Variants in LYSMD4 observed in about 807,000 individuals in gnomAD.
LYSMD4 encodes the protein lysM and putative peptidoglycan-binding domain-containing protein 4.
A neutral mutation model predicts 6.1 loss-of-function variants in LYSMD4; 9 were observed. The ratio of observed to expected loss-of-function variants is 1.47; its 90% CI spans 0.88 to 2.56. The LOEUF (loss-of-function observed/expected upper bound fraction) is 2.56. Ranked by LOEUF, LYSMD4 falls within the 30% of genes most tolerant of loss-of-function variation. LYSMD4 has a pLI of 0.00. For missense variants in LYSMD4, 384 were observed against 373.5 expected (o/e 1.03, Z -0.23); for synonymous variants, 143 against 148.5 (o/e 0.96, Z 0.27).
At position 99,731,940 on chromosome 15, in the gene LYSMD4, A is replaced by G. The variant is rs930269024; in HGVS notation, c.60T>C (p.Thr20=). 2 of 1,611,698 alleles carry G rather than the reference A, an allele frequency of 1.2e-6. No homozygotes were observed. The highest frequency in any genetic ancestry group is 1.7e-6 in the Non-Finnish European group (2 of 1,179,186). The change falls in exon 2 of 3, where the codon ACT becomes ACC. Residue 20 remains threonine, a synonymous_variant. Transcript: ENST00000684762. ...TAAACATGTATACGTGGCTGGTCGG[A>G]GTCCCACACACAACAGCTGGGCCTT... ...TFQGPAVVCG[T]PTSHVYMFKN...
At chr15:99,726,145 G>GGTT (rs2059278289), downstream of LYSMD4, among the ~76,000 whole-genome samples, 1 of 31,412 alleles carries the variant, frequency 3.2e-5, no homozygotes, top group Admixed American at 5.2e-4. Context: ...TGTCTCAAGT[G>GGTT]GTTTTTTTTT....
At chr15:99,729,813 C>T in intron 2 of LYSMD4, 82 bp from the exon 3 acceptor site, 2 of 1,466,400 alleles carry the variant, frequency 1.4e-6, no homozygotes, top group Non-Finnish European at 1.8e-6. Flanking sequence ...CTTAATCTTT[C>T]TGGGTGATGA....
chr15:99,723,610 GACCA>G (rs370099311), downstream of LYSMD4, among the ~76,000 whole-genome samples: 3 of 152,314 alleles, frequency 2.0e-5, no homozygotes, highest in African/African-American at 7.2e-5. Context: ...TCTGCCTCCT[GACCA>G]ACACTGGTGC....
intron 1 of LYSMD4, among the ~76,000 whole-genome samples, chr15:99,732,289 C>T (rs1480103518): frequency 6.6e-6 from 1 of 152,192 alleles, no homozygotes; most frequent in Middle Eastern, 3.2e-3. Flanking sequence ...AAACCCACAT[C>T]TGTAAAGAAA....
At chr15:99,725,795 C>G (rs2059274662), downstream of LYSMD4, among the ~76,000 whole-genome samples, 1 of 152,142 alleles carries the variant, frequency 6.6e-6, no homozygotes, top group Admixed American at 6.5e-5. Context: ...TGGATCATGC[C>G]ACAGGTGCCC....
At position 99,729,207 on chromosome 15, in the gene LYSMD4, C is replaced by T. The variant is rs1337769543; in HGVS notation, c.807G>A (p.Gly269=). The T allele has an allele frequency of 6.2e-7, 1 of 1,614,204 alleles. No homozygotes were observed. The highest frequency in any genetic ancestry group is 1.1e-5 in the South Asian group (1 of 91,088). ...CTGCAACTGCTAGTCTGGGGGCTTG[C>T]CCTGGAACTGTACCCATTGCCATCG... ...NGSMAMGTVP[G]QAPRLAVAVP... The change falls in exon 3 of 3, where the codon GGG becomes GGA. Residue 269 remains glycine (G), a synonymous_variant. Transcript: ENST00000684762.
rs546519080 is a variant in LYSMD4 at position 99,728,437 on chromosome 15, T to C, written c.*686A>G. ...GAACTGGGCGCAGCCTGTGTGTGCT[T>C]GGCCTGGGAGATGCCTGTGTGTCAC... On this transcript the variant is annotated 3_prime_UTR_variant, in exon 3 of 3. Coordinates refer to ENST00000684762, the MANE Select transcript of LYSMD4 (RefSeq NM_001284417.2). 1 of 153,484 alleles carries C rather than the reference T, an allele frequency of 6.5e-6. No homozygotes were observed. Among genetic ancestry groups the C allele is most frequent in the South Asian group, 2.1e-4 (1 of 4,868 alleles). 9.5% of individuals were successfully genotyped at this position (153,484 alleles called of 1,614,324 possible). A position where few individuals can be genotyped will look rare whatever the true frequency, so the allele number is the denominator to read the frequency against.
Position 99,729,006 on chromosome 15 carries a change from A to G in LYSMD4, c.*117T>C. Reference sequence around the variant, plus strand: ...ATTGGGAATACTGCAGTGACTTCTGAAAAGTGTCCATCCTTCCCCGGAAGC... The same window carrying G: ...ATTGGGAATACTGCAGTGACTTCTGGAAAGTGTCCATCCTTCCCCGGAAGC... On this transcript the variant is annotated 3_prime_UTR_variant, in exon 3 of 3. Transcript: ENST00000684762. The G allele has an allele frequency of 2.2e-6, 3 of 1,394,820 alleles. No individual in the cohort carries two copies. Among genetic ancestry groups the G allele is most frequent in the South Asian group, 1.3e-5 (1 of 76,348 alleles). 86.4% of individuals were successfully genotyped at this position (1,394,820 alleles called of 1,614,324 possible).
upstream of LYSMD4, among the ~76,000 whole-genome samples, chr15:99,719,645 C>G (rs887331959): frequency 2.0e-5 from 3 of 152,148 alleles, no homozygotes; most frequent in African/African-American, 4.8e-5. Context: ...TTAGGCTGTT[C>G]CCAATATTCT....
At position 99,729,521 on chromosome 15, in the gene LYSMD4, G is replaced by A. The variant is rs1467966895; in HGVS notation, c.493C>T (p.Gln165Ter). 44 of 1,613,986 alleles carry A rather than the reference G, an allele frequency of 2.7e-5. No homozygotes were observed. Among genetic ancestry groups the A allele is most frequent in the Non-Finnish European group, 3.6e-5 (43 of 1,180,032 alleles). Reference protein sequence around the residue: ...AGAGTGAQAGQLMGFFKGIDQ... With the variant: ...AGAGTGAQAG Reference sequence around the variant, plus strand: ...ATCCCCTTAAAGAAGCCCATCAGTTGGCCGGCCTGGGCACCGGTGCCCGCG... The same window carrying A: ...ATCCCCTTAAAGAAGCCCATCAGTTAGCCGGCCTGGGCACCGGTGCCCGCG... Residue 165 changes from glutamine to a stop codon, truncating the protein, a stop_gained, in exon 3 of 3, where the codon CAA becomes TAA. Transcript: ENST00000684762. LOFTEE classifies it low-confidence loss of function (END_TRUNC).
At position 99,731,913 on chromosome 15, in the gene LYSMD4, C is replaced by A. The variant is rs149028206; in HGVS notation, c.87G>T (p.Lys29Asn). The A allele has an allele frequency of 4.2e-5, 67 of 1,613,372 alleles. 1 individual carries two copies. In the African/African-American group the frequency reaches 8.7e-4, roughly 21 times the overall value. Reference sequence around the variant, plus strand: ...AGTCCCCCGAGTCCCCACTGCCATTCTTAAACATGTATACGTGGCTGGTCG... The same window carrying A: ...AGTCCCCCGAGTCCCCACTGCCATTATTAAACATGTATACGTGGCTGGTCG... ...GTPTSHVYMF[K>N]NGSGDSGDSS... Residue 29 changes from lysine to asparagine, a missense_variant, in exon 2 of 3, where the codon AAG (lysine) becomes AAT (asparagine). Transcript: ENST00000684762.
rs976729323 is a variant in LYSMD4 at position 99,731,878 on chromosome 15, T to A, written c.122A>T (p.Glu41Val). ...GSGDSGDSSE[E>V]ESHRVVLRPR... ...CCGCAAAACCACACGGTGAGACTCT[T>A]CTTCAGAAGAGTCCCCCGAGTCCCC... The change falls in exon 2 of 3, where the codon GAA becomes GTA. Residue 41 changes from glutamate (E) to valine (V), a missense_variant. Coordinates refer to ENST00000684762, the MANE Select transcript of LYSMD4 (RefSeq NM_001284417.2). 4 of 1,613,640 alleles carry A rather than the reference T, an allele frequency of 2.5e-6. No individual in the cohort carries two copies. Among genetic ancestry groups the A allele is most frequent in the Non-Finnish European group, 3.4e-6 (4 of 1,180,032 alleles).
chr15:99,718,333 C>G (rs1262086146), upstream of LYSMD4, among the ~76,000 whole-genome samples: 1 of 152,182 alleles, frequency 6.6e-6, no homozygotes, highest in Non-Finnish European at 1.5e-5. Context: ...GCGATACTGA[C>G]TTTGATCACT....
chr15:99,724,306 G>C (rs1032784196), downstream of LYSMD4, among the ~76,000 whole-genome samples: 8 of 144,164 alleles, frequency 5.5e-5, no homozygotes, highest in African/African-American at 2.3e-4. Flanking sequence ...CGATGCCCAG[G>C]CTGGAGTGCA....
Position 99,728,022 on chromosome 15 carries a change from T to TC in LYSMD4, c.*1100dup, listed in dbSNP as rs1418062401. On this transcript the variant is annotated 3_prime_UTR_variant, in exon 3 of 3. Transcript: ENST00000684762. Reference sequence around the variant, plus strand: ...AGGGCTGGGAAAACTGCAAGCCCCTTCCTCCCTCAGGTGTTCTGATCGCCT... The same window carrying TC: ...AGGGCTGGGAAAACTGCAAGCCCCTTCCCTCCCTCAGGTGTTCTGATCGCCT... 5.9e-5 allele frequency: 9 copies of TC among 152,440 alleles called. No homozygotes were observed. Among genetic ancestry groups the TC allele is most frequent in the Admixed American group, 4.6e-4 (7 of 15,308 alleles). 9.4% of individuals were successfully genotyped at this position (152,440 alleles called of 1,614,324 possible). A position where few individuals can be genotyped will look rare whatever the true frequency, so the allele number is the denominator to read the frequency against.
chr15:99,729,772 C>T (rs2059359047), intron 2 of LYSMD4, 41 bp from the exon 3 acceptor site: 2 of 1,543,748 alleles, frequency 1.3e-6, no homozygotes, highest in African/African-American at 2.8e-5. Context: ...ATATGCGGAG[C>T]TCCTTAAAAA....
downstream of LYSMD4, among the ~76,000 whole-genome samples, chr15:99,726,804 A>T (rs1390880348): frequency 6.6e-6 from 1 of 151,474 alleles, no homozygotes; most frequent in Non-Finnish European, 1.5e-5. Flanking sequence ...CACTGAAAAC[A>T]TAGCAAAATG....
chr15:99,724,299 T>C (rs998985230), downstream of LYSMD4, among the ~76,000 whole-genome samples: 3 of 152,172 alleles, frequency 2.0e-5, 1 homozygote, highest in African/African-American at 7.2e-5. Context: ...TTGGCTCCGA[T>C]GCCCAGGCTG....
intron 1 of LYSMD4, among the ~76,000 whole-genome samples, chr15:99,732,335 C>T (rs936253961): frequency 3.9e-5 from 6 of 152,220 alleles, no homozygotes; most frequent in Non-Finnish European, 7.3e-5. Context: ...AAGTTGAGAT[C>T]CTTGCAATGG....
Sources: allele counts gnomAD v4.1 joint callset (sites outside exome capture counted in the v4.1 genomes callset), GRCh38; gene constraint gnomAD v4.1.1; transcripts MANE v1.5; gene names NCBI Gene and HGNC (gene_info 2026-07-23, HGNC 2026-07-21).